The following PAK5 variants were observed in gnomAD, a reference collection of about 807,000 sequenced individuals.
The protein encoded by PAK5 is serine/threonine-protein kinase PAK 5.
Under a neutral mutation model 65.9 loss-of-function variants are expected in PAK5, and 16 were observed. The observed-to-expected ratio is 0.24, with a 90% CI of 0.16 to 0.37. The LOEUF is 0.37. PAK5 is among the 10% of genes least tolerant of loss of function. The pLI, the probability that PAK5 is intolerant of heterozygous loss-of-function variation, is 1.00. For synonymous variants in PAK5, 371 were observed against 354.9 expected (o/e 1.05, Z -0.51); for missense variants, 785 against 903.9 (o/e 0.87, Z 1.69).
intron 9 of PAK5, among the ~76,000 whole-genome samples, 159 bp downstream of exon 9, chr20:9,542,427 T>C (rs1391300585): frequency 6.6e-6 from 1 of 152,178 alleles, no homozygotes; most frequent in African/African-American, 2.4e-5. Context: ...AGTAAACGAA[T>C]AGAAGAACAG....
Position 9,678,126 on chromosome 20 carries a change from A to T in PAK5, c.-12+33160T>A, listed in dbSNP as rs575070328. Among the ~76,000 whole-genome samples, 10 of 152,252 alleles carry T rather than the reference A, an allele frequency of 6.6e-5. No individual in the cohort carries two copies. The East Asian group carries it at 1.4e-3, about 21-fold the overall frequency. On this transcript the variant is annotated intron_variant, in intron 2 of 9. Transcript: ENST00000353224. The stretch of plus-strand genomic sequence containing the variant: ...GCTCTAACAAGACTCATTTTTTCCA[A>T]AATAGTCTTTGGTTGTTCACAACCT...
intron 3 of PAK5, among the ~76,000 whole-genome samples, chr20:9,607,573 T>A (rs139288279): frequency 3.3e-5 from 5 of 152,108 alleles, no homozygotes; most frequent in Admixed American, 1.3e-4. Context: ...ACACCTGTAA[T>A]CCCAGCACTT....
At chr20:9,613,673 G>A (rs1188750260) in intron 3 of PAK5, among the ~76,000 whole-genome samples, 1 of 152,156 alleles carries the variant, frequency 6.6e-6, no homozygotes, top group Non-Finnish European at 1.5e-5. Flanking sequence ...TAAACTGTTG[G>A]TTTTTAATTT....
intron 1 of PAK5, among the ~76,000 whole-genome samples, chr20:9,721,374 G>A (rs1421516514): frequency 5.3e-5 from 8 of 152,086 alleles, no homozygotes; most frequent in Non-Finnish European, 7.3e-5. Flanking sequence ...TTGGCCAGGT[G>A]TGGTGGCTCA....
chr20:9,637,695 G>C (rs1282197766), intron 3 of PAK5, among the ~76,000 whole-genome samples: 1 of 151,686 alleles, frequency 6.6e-6, no homozygotes, highest in Non-Finnish European at 1.5e-5. Flanking sequence ...ACACTATTAA[G>C]TAAAAAAGCA....
chr20:9,771,004 C>T (rs1333078898), intron 1 of PAK5, among the ~76,000 whole-genome samples: 1 of 152,022 alleles, frequency 6.6e-6, no homozygotes, highest in Non-Finnish European at 1.5e-5. Context: ...TGGGTATAAA[C>T]GTAAGAGAAC....
intron 1 of PAK5, among the ~76,000 whole-genome samples, chr20:9,803,591 A>G (rs2049197764): frequency 6.6e-6 from 1 of 152,194 alleles, no homozygotes; most frequent in Admixed American, 6.6e-5. Flanking sequence ...GATCAAGTGG[A>G]TGTTGGAAAA....
rs979682899 is a variant in PAK5 at position 9,700,157 on chromosome 20, A to T, written c.-12+11129T>A. ...CCAGGCACAGCGGCTCACACCTGTA[A>T]TCCTAGCACTTTGGGAGGCTGAGGT... is the stretch of plus-strand genomic sequence containing the variant. On this transcript the variant is annotated intron_variant, in intron 2 of 9. Coordinates refer to ENST00000353224, the MANE Select transcript of PAK5 (RefSeq NM_177990.4). Among the ~76,000 whole-genome samples, 3 of 152,114 alleles carry T rather than the reference A, an allele frequency of 2.0e-5. No homozygotes were observed. The South Asian group carries it at 6.2e-4, about 32-fold the overall frequency.
At position 9,580,553 on chromosome 20, in the gene PAK5, T is replaced by C. The variant is rs1219686177; in HGVS notation, c.582A>G (p.Arg194=). The C allele has an allele frequency of 6.2e-7, 1 of 1,614,040 alleles. No individual in the cohort carries two copies. Among genetic ancestry groups the C allele is most frequent in the Non-Finnish European group, 8.5e-7 (1 of 1,179,998 alleles). Residue 194 remains arginine (R), a synonymous_variant, in exon 4 of 10, where the codon AGA becomes AGG. Transcript: ENST00000353224. The part of the protein sequence containing the change: ...EVKPLKSDFA[R]FSADYHSHLD... ...AATGTGAGTGATAATCGGCAGAAAA[T>C]CTGGCAAAATCGGATTTCAAAGGCT...
At chr20:9,608,018 G>A (rs1011697627) in intron 3 of PAK5, among the ~76,000 whole-genome samples, 1 of 152,160 alleles carries the variant, frequency 6.6e-6, no homozygotes, top group Non-Finnish European at 1.5e-5. Flanking sequence ...AGTGTCTGGT[G>A]AGGGCACACT....
intron 1 of PAK5, among the ~76,000 whole-genome samples, chr20:9,729,301 G>A (rs1038165843): frequency 6.6e-6 from 1 of 152,020 alleles, no homozygotes; most frequent in African/African-American, 2.4e-5. Flanking sequence ...TTAAAATACA[G>A]GAGATTTCAC....
chr20:9,558,052 A>G (rs1247058107), intron 6 of PAK5, among the ~76,000 whole-genome samples: 1 of 151,430 alleles, frequency 6.6e-6, no homozygotes, highest in Non-Finnish European at 1.5e-5. Context: ...TTATTCATTC[A>G]TTCATTCATT....
intron 1 of PAK5, among the ~76,000 whole-genome samples, chr20:9,721,311 T>C (rs2048210066): frequency 6.6e-6 from 1 of 152,030 alleles, no homozygotes; most frequent in South Asian, 2.1e-4. Context: ...CAGATATTCC[T>C]AGCATGCTGG....
In PAK5 at chr20:9,596,440, T is replaced by A. The variant is rs554902558; in HGVS notation, c.205-15510A>T. Among the ~76,000 whole-genome samples the A allele has an allele frequency of 1.3e-4, 19 of 151,888 alleles. No homozygotes were observed. The South Asian group carries it at 3.9e-3, about 32-fold the overall frequency. On this transcript the variant is annotated intron_variant, in intron 3 of 9. Transcript: ENST00000353224. The stretch of plus-strand genomic sequence containing the variant: ...TCACAAGGTCAGGAGATCAAGACCA[T>A]CCTGGCTAACACAGTGAAACCCCGT...
intron 1 of PAK5, among the ~76,000 whole-genome samples, chr20:9,759,501 A>C (rs1345126902): frequency 6.6e-6 from 1 of 152,164 alleles, no homozygotes; most frequent in East Asian, 1.9e-4. Context: ...GAGATTGTTA[A>C]AACACAGATT....
At chr20:9,615,616 A>T (rs2046641294) in intron 3 of PAK5, among the ~76,000 whole-genome samples, 2 of 152,244 alleles carry the variant, frequency 1.3e-5, no homozygotes, top group Admixed American at 6.5e-5. Flanking sequence ...AAACTATAAC[A>T]AAAACCACCA....
intron 3 of PAK5, among the ~76,000 whole-genome samples, chr20:9,605,670 T>G (rs1197190076): frequency 6.6e-6 from 1 of 152,176 alleles, no homozygotes; most frequent in Non-Finnish European, 1.5e-5. Context: ...GACTCATGCC[T>G]TTAATCCCAA....
chr20:9,830,935 G>T (rs73246971), intron 1 of PAK5, among the ~76,000 whole-genome samples: 20,324 of 152,122 alleles, frequency 0.13, 1,524 homozygotes, highest in East Asian at 0.23. Flanking sequence ...TCTTTTTTTG[G>T]TTTGGTTTGG....
chr20:9,537,760 A>T lies in PAK5; in HGVS notation c.*1702T>A, dbSNP rs1309366486. On this transcript the variant is annotated 3_prime_UTR_variant, in exon 10 of 10. Coordinates refer to ENST00000353224, the MANE Select transcript of PAK5 (RefSeq NM_177990.4). Reference sequence around the variant, plus strand: ...TTATATTAATGCTTTAATATTTTACATAAAACATTGATTTGCTGTTTTATG... The same window carrying T: ...TTATATTAATGCTTTAATATTTTACTTAAAACATTGATTTGCTGTTTTATG... The T allele has an allele frequency of 1.4e-5, 3 of 221,414 alleles. No individual in the cohort carries two copies. 13.7% of individuals were successfully genotyped at this position (221,414 alleles called of 1,614,324 possible).
Sources: allele counts gnomAD v4.1 joint callset (sites outside exome capture counted in the v4.1 genomes callset), GRCh38; gene constraint gnomAD v4.1.1; transcripts MANE v1.5; gene names NCBI Gene and HGNC (gene_info 2026-07-23, HGNC 2026-07-21).